H2BC8: variants seen among roughly 807,000 people sequenced by gnomAD.
H2BC8 encodes histone H2B type 1-C/E/F/G/I.
In H2BC8, 11 loss-of-function variants were observed where a neutral mutation model predicts 6.3. The observed-to-expected ratio is 1.75, with a 90% confidence interval of 1.10 to 2.89. H2BC8 has a LOEUF of 2.89. Ranked by LOEUF, H2BC8 falls within the 30% of genes most tolerant of loss-of-function variation. The pLI, the probability that H2BC8 is intolerant of heterozygous loss-of-function variation, is 0.00. For missense variants in H2BC8, 195 were observed against 165.2 expected (o/e 1.18, Z -0.99); for synonymous variants, 150 against 65.8 (o/e 2.28, Z -6.19).
At position 26,216,422 on chromosome 6, in the gene H2BC8, G is replaced by C. The variant is rs767133701; in HGVS notation, c.222C>G (p.Ile74Met). The C allele has an allele frequency of 6.2e-6, 10 of 1,614,208 alleles. No homozygotes were observed. The highest frequency in any genetic ancestry group is 8.5e-6 in the Non-Finnish European group (10 of 1,180,042). Residue 74 changes from isoleucine (I) to methionine (M), a missense_variant, in exon 1 of 1, where the codon ATC (isoleucine) becomes ATG (methionine). Physicochemically the swap from Ile to Met is conservative, Grantham distance 10 (BLOSUM62 1). Coordinates refer to ENST00000541790, the MANE Select transcript of H2BC8 (RefSeq NM_003518.4). ...GGGCCAGACGGGAAGCCTCGCCTGC[G>C]ATGCGTTCGAAGATGTCGTTAACGA... ...NSFVNDIFER[I>M]AGEASRLAHY...
Position 26,216,280 on chromosome 6 carries a change from A to G in H2BC8, c.364T>C (p.Tyr122His). The change falls in exon 1 of 1, where the codon TAT becomes CAT. Residue 122 changes from tyrosine to histidine, a missense_variant. Physicochemically the swap from Tyr to His is moderately conservative, Grantham distance 83. Transcript: ENST00000541790. The part of the protein sequence containing the change: ...VSEGTKAVTK[Y>H]TSSK ...GCACACATTTACTTGGAGCTTGTAT[A>G]CTTGGTGACAGCCTTGGTACCTTCG... 6.2e-7 allele frequency: 1 copy of G among 1,608,176 alleles called. No individual in the cohort carries two copies.
Position 26,216,634 on chromosome 6 carries a change from G to T in H2BC8, c.10C>A (p.Pro4Thr), listed in dbSNP as rs191008734. Residue 4 changes from proline (P) to threonine (T), a missense_variant, in exon 1 of 1, where the codon CCA (proline) becomes ACA (threonine). Physicochemically the swap from Pro to Thr is conservative, Grantham distance 38 (BLOSUM62 -1). Coordinates refer to ENST00000541790, the MANE Select transcript of H2BC8 (RefSeq NM_003518.4). ...TTCGGAGCAGGAGCTGACTTAGCTG[G>T]TTCAGGCATGCTGTCAGAAAACAAT... MPE[P>T]AKSAPAPKKG... 6.2e-7 allele frequency: 1 copy of T among 1,611,856 alleles called. No homozygotes were observed. The highest frequency in any genetic ancestry group is 8.5e-7 in the Non-Finnish European group (1 of 1,179,226).
Position 26,216,563 on chromosome 6 carries a change from G to C in H2BC8, c.81C>G (p.Gly27=). The C allele has an allele frequency of 5.0e-6, 8 of 1,614,200 alleles. No individual in the cohort carries two copies. The highest frequency in any genetic ancestry group is 6.8e-6 in the Non-Finnish European group (8 of 1,180,036). ...KAVTKAQKKD[G]KKRKRSRKES... The stretch of plus-strand genomic sequence containing the variant: ...CCTTACGACTGCGCTTGCGCTTCTT[G>C]CCATCCTTCTTCTGCGCCTTGGTCA... The change falls in exon 1 of 1, where the codon GGC becomes GGG. Residue 27 remains glycine, a synonymous_variant. Coordinates refer to ENST00000541790, the MANE Select transcript of H2BC8 (RefSeq NM_003518.4).
In H2BC8 at chr6:26,216,600, G is replaced by A. The variant is rs1451785501; in HGVS notation, c.44C>T (p.Ser15Phe). 3 of 1,613,990 alleles carry A rather than the reference G, an allele frequency of 1.9e-6. No individual in the cohort carries two copies. The highest frequency in any genetic ancestry group is 2.7e-5 in the African/African-American group (2 of 74,906). Residue 15 changes from serine to phenylalanine, a missense_variant, in exon 1 of 1, where the codon TCC becomes TTC. Physicochemically the swap from Ser to Phe is radical, Grantham distance 155 (BLOSUM62 -2). Transcript: ENST00000541790. ...AKSAPAPKKGSKKAVTKAQKK... is the reference protein window; with the variant it reads ...AKSAPAPKKGFKKAVTKAQKK... ...CTGCGCCTTGGTCACAGCCTTCTTG[G>A]AACCCTTCTTCGGAGCAGGAGCTGA... is the stretch of plus-strand genomic sequence containing the variant.
rs752134192 is a variant in H2BC8, at chr6:26,216,672, A to G, written c.-29T>C. ...GTCAGAAAACAATAACAGCAGTGAG[A>G]ATGAACGCACTTAAATAAAAGCTCG... On this transcript the variant is annotated 5_prime_UTR_variant, in exon 1 of 1. Coordinates refer to ENST00000541790, the MANE Select transcript of H2BC8 (RefSeq NM_003518.4). 1 of 1,588,382 alleles carries G rather than the reference A, an allele frequency of 6.3e-7. No individual in the cohort carries two copies. The highest frequency in any genetic ancestry group is 1.9e-5 in the Admixed American group (1 of 52,968).
In H2BC8 at chr6:26,216,638, A is replaced by T; in HGVS notation, c.6T>A (p.Pro2=). 1 of 1,610,036 alleles carries T rather than the reference A, an allele frequency of 6.2e-7. No individual in the cohort carries two copies. Among genetic ancestry groups the T allele is most frequent in the Non-Finnish European group, 8.5e-7 (1 of 1,178,634 alleles). Residue 2 remains proline (P), a synonymous_variant, in exon 1 of 1, where the codon CCT becomes CCA. Transcript: ENST00000541790. ...GAGCAGGAGCTGACTTAGCTGGTTC[A>T]GGCATGCTGTCAGAAAACAATAACA... is the stretch of plus-strand genomic sequence containing the variant. M[P]EPAKSAPAPK...
At position 26,216,550 on chromosome 6, in the gene H2BC8, G is replaced by A; in HGVS notation, c.94C>T (p.Arg32Cys). Residue 32 changes from arginine to cysteine, a missense_variant, in exon 1 of 1, where the codon CGC (arginine) becomes TGC (cysteine). Coordinates refer to ENST00000541790, the MANE Select transcript of H2BC8 (RefSeq NM_003518.4). The part of the protein sequence containing the change: ...AQKKDGKKRK[R>C]SRKESYSVYV... ...ACGGAGTAGCTCTCCTTACGACTGC[G>A]CTTGCGCTTCTTGCCATCCTTCTTC... The A allele has an allele frequency of 6.2e-7, 1 of 1,614,218 alleles. No individual in the cohort carries two copies. The highest frequency in any genetic ancestry group is 8.5e-7 in the Non-Finnish European group (1 of 1,180,032).
Position 26,216,255 on chromosome 6 carries a change from G to A in H2BC8, c.*8C>T. The A allele has an allele frequency of 1.9e-6, 3 of 1,588,996 alleles. No individual in the cohort carries two copies. The highest frequency in any genetic ancestry group is 2.6e-6 in the Non-Finnish European group (3 of 1,166,886). On this transcript the variant is annotated 3_prime_UTR_variant, in exon 1 of 1. Transcript: ENST00000541790. The stretch of plus-strand genomic sequence containing the variant: ...AGCCTTTGAGTTTTAAAGCACCTAA[G>A]CACACATTTACTTGGAGCTTGTATA...
Position 26,216,455 on chromosome 6 carries a change from CATG to C in H2BC8, c.186_188del (p.Ile62del). On this transcript the variant is annotated inframe_deletion, in exon 1 of 1. Coordinates refer to ENST00000541790, the MANE Select transcript of H2BC8 (RefSeq NM_003518.4). ...CGAAGATGTCGTTAACGAAGGAATT[CATG>C]ATGCCCATGGCCTTGGATGAGATGC... 6.2e-7 allele frequency: 1 copy of C among 1,614,226 alleles called. No homozygotes were observed. Among genetic ancestry groups the C allele is most frequent in the Non-Finnish European group, 8.5e-7 (1 of 1,180,042 alleles).
chr6:26,216,442 T>C lies in H2BC8; in HGVS notation c.202A>G (p.Asn68Asp), dbSNP rs1458445549. The change falls in exon 1 of 1, where the codon AAC (asparagine) becomes GAC (aspartate). Residue 68 changes from asparagine to aspartate, a missense_variant. Coordinates refer to ENST00000541790, the MANE Select transcript of H2BC8 (RefSeq NM_003518.4). Reference protein sequence around the residue: ...KAMGIMNSFVNDIFERIAGEA... With the variant: ...KAMGIMNSFVDDIFERIAGEA... ...CCTGCGATGCGTTCGAAGATGTCGT[T>C]AACGAAGGAATTCATGATGCCCATG... 6.2e-7 allele frequency: 1 copy of C among 1,614,210 alleles called. No individual in the cohort carries two copies. Among genetic ancestry groups the C allele is most frequent in the Non-Finnish European group, 8.5e-7 (1 of 1,180,038 alleles).
At position 26,216,396 on chromosome 6, in the gene H2BC8, T is replaced by C; in HGVS notation, c.248A>G (p.His83Arg). 1.2e-6 allele frequency: 2 copies of C among 1,614,198 alleles called. No individual in the cohort carries two copies. The highest frequency in any genetic ancestry group is 1.7e-6 in the Non-Finnish European group (2 of 1,180,040). Residue 83 changes from histidine (H) to arginine (R), a missense_variant, in exon 1 of 1, where the codon CAC becomes CGC. By Grantham distance (29) the His-to-Arg change is conservative. Coordinates refer to ENST00000541790, the MANE Select transcript of H2BC8 (RefSeq NM_003518.4). Reference sequence around the variant, plus strand: ...GGTAATGGTCGAGCGCTTGTTGTAGTGGGCCAGACGGGAAGCCTCGCCTGC... The same window carrying C: ...GGTAATGGTCGAGCGCTTGTTGTAGCGGGCCAGACGGGAAGCCTCGCCTGC... ...RIAGEASRLA[H>R]YNKRSTITSR...
Position 26,216,244 on chromosome 6 carries a change from A to C in H2BC8, c.*19T>G. ...GCTCTGAAAAGAGCCTTTGAGTTTT[A>C]AAGCACCTAAGCACACATTTACTTG... On this transcript the variant is annotated 3_prime_UTR_variant, in exon 1 of 1. Coordinates refer to ENST00000541790, the MANE Select transcript of H2BC8 (RefSeq NM_003518.4). 6.4e-7 allele frequency: 1 copy of C among 1,558,936 alleles called. No individual in the cohort carries two copies. The highest frequency in any genetic ancestry group is 1.4e-5 in the African/African-American group (1 of 73,154).
rs1225046473 is a variant in H2BC8, at chr6:26,216,485, A to G, written c.159T>C (p.Thr53=). Residue 53 remains threonine (T), a synonymous_variant, in exon 1 of 1, where the codon ACT becomes ACC. Transcript: ENST00000541790. ...TGCCCATGGCCTTGGATGAGATGCC[A>G]GTATCGGGGTGAACCTGTTTTAGCA... ...YKVLKQVHPD[T]GISSKAMGIM... is the part of the protein sequence containing the mutation. The G allele has an allele frequency of 6.2e-7, 1 of 1,614,104 alleles. No individual in the cohort carries two copies. Among genetic ancestry groups the G allele is most frequent in the East Asian group, 2.2e-5 (1 of 44,892 alleles).
chr6:26,216,230 A>G lies in H2BC8; in HGVS notation c.*33T>C, dbSNP rs1419191054. 1 of 1,543,568 alleles carries G rather than the reference A, an allele frequency of 6.5e-7. No homozygotes were observed. Among genetic ancestry groups the G allele is most frequent in the African/African-American group, 1.4e-5 (1 of 72,550 alleles). The stretch of plus-strand genomic sequence containing the variant: ...GTGAGACTTGAGTGGCTCTGAAAAG[A>G]GCCTTTGAGTTTTAAAGCACCTAAG... On this transcript the variant is annotated 3_prime_UTR_variant, in exon 1 of 1. Transcript: ENST00000541790.
At position 26,216,556 on chromosome 6, in the gene H2BC8, G is replaced by A; in HGVS notation, c.88C>T (p.Arg30Cys). 6.2e-7 allele frequency: 1 copy of A among 1,614,216 alleles called. No homozygotes were observed. The highest frequency in any genetic ancestry group is 1.6e-4 in the Middle Eastern group (1 of 6,062). Reference protein sequence around the residue: ...TKAQKKDGKKRKRSRKESYSV... With the variant: ...TKAQKKDGKKCKRSRKESYSV... ...TAGCTCTCCTTACGACTGCGCTTGC[G>A]CTTCTTGCCATCCTTCTTCTGCGCC... Residue 30 changes from arginine (R) to cysteine (C), a missense_variant, in exon 1 of 1, where the codon CGC becomes TGC. Physicochemically the swap from Arg to Cys is radical, Grantham distance 180 (BLOSUM62 -3). Transcript: ENST00000541790.
In H2BC8 at chr6:26,216,669, G is replaced by A. The variant is rs763026563; in HGVS notation, c.-26C>T. 1.4e-5 allele frequency: 22 copies of A among 1,591,590 alleles called. 1 individual carries two copies. Among genetic ancestry groups the A allele is most frequent in the Middle Eastern group, 1.7e-4 (1 of 5,972 alleles). ...GCTGTCAGAAAACAATAACAGCAGTGAGAATGAACGCACTTAAATAAAAGC... is the reference window on the plus strand; with the variant it reads ...GCTGTCAGAAAACAATAACAGCAGTAAGAATGAACGCACTTAAATAAAAGC... On this transcript the variant is annotated 5_prime_UTR_variant, in exon 1 of 1. Transcript: ENST00000541790.
rs369376110 is a variant in H2BC8, at chr6:26,216,392, G to T, written c.252C>A (p.Tyr84Ter). The T allele has an allele frequency of 1.9e-6, 3 of 1,614,222 alleles. 1 individual carries two copies. The highest frequency in any genetic ancestry group is 2.2e-5 in the South Asian group (2 of 91,084). ...IAGEASRLAHYNKRSTITSRE... is the reference protein window; with the variant it reads ...IAGEASRLAH ...TGGAGGTAATGGTCGAGCGCTTGTTGTAGTGGGCCAGACGGGAAGCCTCGC... is the reference window on the plus strand; with the variant it reads ...TGGAGGTAATGGTCGAGCGCTTGTTTTAGTGGGCCAGACGGGAAGCCTCGC... The change falls in exon 1 of 1, where the codon TAC becomes TAA. Residue 84 changes from tyrosine to a stop codon, truncating the protein, a stop_gained. Transcript: ENST00000541790. LOFTEE classifies it high-confidence loss of function.
chr6:26,216,580 C>T lies in H2BC8; in HGVS notation c.64G>A (p.Ala22Thr), dbSNP rs146142074. Residue 22 changes from alanine (A) to threonine (T), a missense_variant, in exon 1 of 1, where the codon GCG becomes ACG. Coordinates refer to ENST00000541790, the MANE Select transcript of H2BC8 (RefSeq NM_003518.4). ...KKGSKKAVTK[A>T]QKKDGKKRKR... ...CGCTTCTTGCCATCCTTCTTCTGCG[C>T]CTTGGTCACAGCCTTCTTGGAACCC... 1.9e-6 allele frequency: 3 copies of T among 1,614,210 alleles called. No homozygotes were observed. Among genetic ancestry groups the T allele is most frequent in the East Asian group, 4.5e-5 (2 of 44,894 alleles).
rs1239223931 is a variant in H2BC8 at position 26,216,645 on chromosome 6, C to A, written c.-2G>T. On this transcript the variant is annotated 5_prime_UTR_variant, in exon 1 of 1. Transcript: ENST00000541790. ...AGCTGACTTAGCTGGTTCAGGCATG[C>A]TGTCAGAAAACAATAACAGCAGTGA... 1 of 1,608,752 alleles carries A rather than the reference C, an allele frequency of 6.2e-7. No homozygotes were observed.
Sources: allele counts gnomAD v4.1 joint callset, GRCh38; gene constraint gnomAD v4.1.1; transcripts MANE v1.5; gene names NCBI Gene and HGNC (gene_info 2026-07-23, HGNC 2026-07-21).